The following FBP2 variants were observed in gnomAD, a reference collection of about 807,000 sequenced individuals.
FBP2 encodes fructose-bisphosphatase 2.
FBP2 carries 27 observed loss-of-function variants against 31.6 expected under a neutral mutation model. The observed-to-expected ratio is 0.85, with a 90% CI of 0.63 to 1.18. The LOEUF is 1.18. FBP2 is among the 50% of genes most tolerant of loss of function. FBP2 has a pLI of 0.00. For synonymous variants in FBP2, 168 were observed against 179.8 expected, an observed-to-expected ratio of 0.93 and a Z score of 0.53; for missense variants, 421 against 436.1, an observed-to-expected ratio of 0.97 and a Z score of 0.31.
At chr9:94,561,350 G>GTCTTT (rs1463916724) in intron 6 of FBP2, among the ~76,000 whole-genome samples, 1 of 59,796 alleles carries the variant, frequency 1.7e-5, no homozygotes, top group Non-Finnish European at 3.8e-5. Flanking sequence ...CATGTGACCT[G>GTCTTT]TATTTTTTTT....
intron 5 of FBP2, among the ~76,000 whole-genome samples, chr9:94,565,701 G>A (rs1213415479): frequency 2.6e-5 from 4 of 151,764 alleles, no homozygotes; most frequent in Non-Finnish European, 4.4e-5. Context: ...GAAAAGCTAC[G>A]AGAAATCTCT....
intron 4 of FBP2, 62 bp downstream of exon 4, chr9:94,571,400 G>A: frequency 6.8e-7 from 1 of 1,462,506 alleles, no homozygotes; most frequent in South Asian, 1.4e-5. Flanking sequence ...CAGAGAACTG[G>A]CATTAAGGCA....
At chr9:94,564,877 T>C (rs1428361648) in intron 5 of FBP2, among the ~76,000 whole-genome samples, 1 of 152,170 alleles carries the variant, frequency 6.6e-6, no homozygotes, top group Non-Finnish European at 1.5e-5. Flanking sequence ...TGAACCACTG[T>C]AGGATGAATA....
In FBP2 at chr9:94,559,008, A is replaced by G; in HGVS notation, c.950T>C (p.Leu317Pro). 1 of 1,614,038 alleles carries G rather than the reference A, an allele frequency of 6.2e-7. No individual in the cohort carries two copies. The highest frequency in any genetic ancestry group is 8.5e-7 in the Non-Finnish European group (1 of 1,180,016). ...KPEAIHQRVP[L>P]ILGSPEDVQE... ...CACATCCTCTGGTGACCCCAGAATG[A>G]GGGGGACTCGCTGGTGAATTGCCTC... The change falls in exon 7 of 7, where the codon CTC (leucine) becomes CCC (proline). Residue 317 changes from leucine (L) to proline (P), a missense_variant. Transcript: ENST00000375337.
At position 94,578,983 on chromosome 9, in the gene FBP2, G is replaced by A. The variant is rs569779644; in HGVS notation, c.426+5594C>T. 2.0e-3 allele frequency among the ~76,000 whole-genome samples: 272 copies of A among 138,310 alleles called. 1 individual carries two copies. The highest frequency in any genetic ancestry group is 7.2e-3 in the African/African-American group (262 of 36,146). The allele number at this position is 138,310 out of a possible 152,430, so 90.7% of individuals were successfully genotyped here. ...CAGGAGAATGGCGTGAACCCGGAAG[G>A]CGGAGCTTGCAGTGAGCGGAGCTTG... On this transcript the variant is annotated intron_variant, in intron 3 of 6. Coordinates refer to ENST00000375337, the MANE Select transcript of FBP2 (RefSeq NM_003837.4).
chr9:94,562,182 G>A (rs1827117779), intron 6 of FBP2, among the ~76,000 whole-genome samples: 1 of 151,920 alleles, frequency 6.6e-6, no homozygotes, highest in African/African-American at 2.4e-5. Context: ...GTGGTGGCGG[G>A]CGCCTGTAGT....
intron 2 of FBP2, among the ~76,000 whole-genome samples, chr9:94,587,064 C>T (rs1341750770): frequency 6.6e-6 from 1 of 152,162 alleles, no homozygotes; most frequent in African/African-American, 2.4e-5. Context: ...AACAAGCGCC[C>T]ACTGAGGCGG....
At chr9:94,569,455 G>C (rs1827241504) in intron 4 of FBP2, 1 of 152,244 alleles carries the variant, frequency 6.6e-6, no homozygotes, top group Admixed American at 6.5e-5. Context: ...CATCTGAACA[G>C]TGGCACTCAC....
Position 94,593,659 on chromosome 9 carries a change from C to T in FBP2, c.68G>A (p.Arg23His), listed in dbSNP as rs769197968. ...TLTRYVMEKG[R>H]QAKGTGELTQ... is the part of the protein sequence containing the mutation. ...GAGCTCCCCAGTCCCTTTGGCCTGA[C>T]GCCCCTTTTCCATAACGTAGCGGGT... Residue 23 changes from arginine to histidine, a missense_variant, in exon 1 of 7, where the codon CGT becomes CAT. Transcript: ENST00000375337. The T allele has an allele frequency of 2.8e-5, 46 of 1,614,114 alleles. No individual in the cohort carries two copies. The highest frequency in any genetic ancestry group is 2.1e-4 in the South Asian group (19 of 91,092).
At chr9:94,569,598 A>G (rs1413127316) in intron 4 of FBP2, 1 of 152,204 alleles carries the variant, frequency 6.6e-6, no homozygotes, top group Admixed American at 6.5e-5. Context: ...TAACCTGGAA[A>G]ATGTGTTCCT....
chr9:94,572,468 C>G (rs1324020022), intron 3 of FBP2, among the ~76,000 whole-genome samples: 2 of 152,146 alleles, frequency 1.3e-5, no homozygotes, highest in South Asian at 2.1e-4. Flanking sequence ...TTTGTAAACC[C>G]GAATGTTCTT....
Position 94,587,450 on chromosome 9 carries a change from CG to C in FBP2, c.189del (p.Ser63ArgfsTer4). On this transcript the variant is annotated frameshift_variant, in exon 2 of 7. Coordinates refer to ENST00000375337, the MANE Select transcript of FBP2 (RefSeq NM_003837.4). LOFTEE classifies it high-confidence loss of function. ...GLAHLYGIAG[S>X]VNVTGDEVKK... The stretch of plus-strand genomic sequence containing the variant: ...TTCACCTCATCTCCCGTCACGTTAA[CG>C]CTTCCTGCGATTCCATACCTGAGAA... 1 of 1,614,018 alleles carries C rather than the reference CG, an allele frequency of 6.2e-7. No individual in the cohort carries two copies. The highest frequency in any genetic ancestry group is 8.5e-7 in the Non-Finnish European group (1 of 1,179,988).
chr9:94,585,888 G>C (rs1192486232), intron 2 of FBP2, among the ~76,000 whole-genome samples: 4 of 151,850 alleles, frequency 2.6e-5, no homozygotes, highest in African/African-American at 9.7e-5. Context: ...TGGGACTACA[G>C]GTGCACACCA....
intron 1 of FBP2, among the ~76,000 whole-genome samples, chr9:94,590,720 G>C (rs1044802920): frequency 2.0e-5 from 3 of 152,218 alleles, no homozygotes; most frequent in Non-Finnish European, 4.4e-5. Context: ...TGTGGAAAGA[G>C]ACCCAAACGG....
At chr9:94,587,817 T>A (rs530847219) in intron 1 of FBP2, among the ~76,000 whole-genome samples, 1 of 152,082 alleles carries the variant, frequency 6.6e-6, no homozygotes, top group Non-Finnish European at 1.5e-5. Context: ...AGTAAAGGAC[T>A]GTGGCCTCCA....
At chr9:94,587,221 C>T (rs1827436649) in intron 2 of FBP2, 86 bp downstream of exon 2, 2 of 1,178,670 alleles carry the variant, frequency 1.7e-6, no homozygotes, top group South Asian at 1.5e-5. Context: ...AGGAGAATCC[C>T]GGGAATTAAA....
At chr9:94,572,754 A>G (rs975203117) in intron 3 of FBP2, among the ~76,000 whole-genome samples, 1 of 152,212 alleles carries the variant, frequency 6.6e-6, no homozygotes, top group Non-Finnish European at 1.5e-5. Context: ...ATACATGCAT[A>G]CATGCAGTGA....
intron 5 of FBP2, among the ~76,000 whole-genome samples, chr9:94,565,390 G>A (rs1333404028): frequency 7.1e-6 from 1 of 141,642 alleles, no homozygotes; most frequent in Non-Finnish European, 1.5e-5. Context: ...AAAAAAAGAT[G>A]TTCCCAGTGG....
chr9:94,563,729 CAA>C (rs1317771222), intron 5 of FBP2, among the ~76,000 whole-genome samples: 2 of 94,572 alleles, frequency 2.1e-5, no homozygotes, highest in African/African-American at 3.7e-5. Flanking sequence ...AGCCGCTAAA[CAA>C]ACAAAGAAAA....
Sources: allele counts gnomAD v4.1 joint callset (sites outside exome capture counted in the v4.1 genomes callset), GRCh38; gene constraint gnomAD v4.1.1; transcripts MANE v1.5; gene names NCBI Gene and HGNC (gene_info 2026-07-23, HGNC 2026-07-21).